Variants in EXT1 observed in about 807,000 individuals in gnomAD.
The protein encoded by EXT1 is exostosin glycosyltransferase 1, also known as exostosin-1.
EXT1 carries 20 observed loss-of-function variants against 82.5 expected under a neutral mutation model. That is an observed-to-expected ratio of 0.24 (90% CI 0.17 to 0.35). EXT1 has a LOEUF of 0.35. Among genes scored for constraint, EXT1 ranks in the 10% least tolerant of loss-of-function variants. The pLI is 1.00. For missense variants in EXT1, 757 were observed against 936.5 expected (o/e 0.81, Z 2.50); for synonymous variants, 348 against 350.8 (o/e 0.99, Z 0.09).
At chr8:117,944,029 A>G (rs966657912) in intron 1 of EXT1, among the ~76,000 whole-genome samples, 2 of 152,218 alleles carry the variant, frequency 1.3e-5, no homozygotes, top group Admixed American at 1.3e-4. Flanking sequence ...TCCGTATGAA[A>G]GACAGAAGGG....
intron 1 of EXT1, among the ~76,000 whole-genome samples, chr8:117,964,136 T>C (rs1814758186): frequency 6.6e-6 from 1 of 152,192 alleles, no homozygotes; most frequent in Non-Finnish European, 1.5e-5. Flanking sequence ...ACTTTACCTA[T>C]TTCCCCTCCA....
chr8:117,970,297 A>G (rs1031107733), intron 1 of EXT1, among the ~76,000 whole-genome samples: 1 of 151,384 alleles, frequency 6.6e-6, no homozygotes, highest in African/African-American at 2.4e-5. Flanking sequence ...AGGGCTCAGG[A>G]ATCTACATTT....
intron 1 of EXT1, among the ~76,000 whole-genome samples, chr8:118,072,505 T>A (rs1817113651): frequency 6.6e-6 from 1 of 152,232 alleles, no homozygotes; most frequent in Admixed American, 6.5e-5. Flanking sequence ...AGACCCTTTT[T>A]GCTTCTCTCG....
intron 1 of EXT1, among the ~76,000 whole-genome samples, chr8:117,882,343 A>T (rs1586261905): frequency 6.6e-6 from 1 of 152,136 alleles, no homozygotes; most frequent in African/African-American, 2.4e-5. Flanking sequence ...TTGGCCTCCC[A>T]AAGTGCTGGG....
chr8:117,882,002 TG>T (rs1813070062), intron 1 of EXT1, among the ~76,000 whole-genome samples: 1 of 152,202 alleles, frequency 6.6e-6, no homozygotes, highest in South Asian at 2.1e-4. Flanking sequence ...ATCAATCTAT[TG>T]GGAATTTTCT....
At chr8:117,818,055 C>G (rs1178418243) in intron 7 of EXT1, among the ~76,000 whole-genome samples, 1 of 152,184 alleles carries the variant, frequency 6.6e-6, no homozygotes, top group Non-Finnish European at 1.5e-5. Context: ...CAAACCATCA[C>G]CACCACCATC....
intron 1 of EXT1, among the ~76,000 whole-genome samples, chr8:117,936,769 G>T (rs1192430403): frequency 6.6e-6 from 1 of 152,166 alleles, no homozygotes; most frequent in Non-Finnish European, 1.5e-5. Flanking sequence ...CAGCTACTTG[G>T]GAGGCTGAGG....
At chr8:117,975,983 C>G (rs1250678662) in intron 1 of EXT1, among the ~76,000 whole-genome samples, 1 of 152,138 alleles carries the variant, frequency 6.6e-6, no homozygotes, top group Admixed American at 6.5e-5. Context: ...ATACACAAAA[C>G]AGTAACATGA....
At chr8:117,821,386 G>A (rs1244035299) in intron 5 of EXT1, among the ~76,000 whole-genome samples, 1 of 152,190 alleles carries the variant, frequency 6.6e-6, no homozygotes, top group Non-Finnish European at 1.5e-5. Flanking sequence ...AATAGTTTAA[G>A]AAGCATCATT....
intron 1 of EXT1, among the ~76,000 whole-genome samples, chr8:117,921,470 T>C (rs1432200923): frequency 2.0e-5 from 3 of 152,218 alleles, no homozygotes; most frequent in Admixed American, 6.5e-5. Context: ...ATCTCTAACC[T>C]AGATGCTTTC....
At chr8:117,898,594 A>G (rs1434741761) in intron 1 of EXT1, among the ~76,000 whole-genome samples, 2 of 152,202 alleles carry the variant, frequency 1.3e-5, no homozygotes, top group East Asian at 3.8e-4. Flanking sequence ...TTACTTTTCT[A>G]GGTTTGGTAA....
At chr8:117,920,597 ACTG>A (rs1018644060) in intron 1 of EXT1, among the ~76,000 whole-genome samples, 1 of 152,226 alleles carries the variant, frequency 6.6e-6, no homozygotes, top group Admixed American at 6.5e-5. Flanking sequence ...AGGAAGAGGG[ACTG>A]CTGCTTTCTT....
chr8:117,801,785 C>G (rs1045934236), intron 10 of EXT1, among the ~76,000 whole-genome samples: 9 of 152,178 alleles, frequency 5.9e-5, no homozygotes, highest in African/African-American at 1.7e-4. Context: ...GGATTATAGG[C>G]ATGAGCCACT....
intron 1 of EXT1, among the ~76,000 whole-genome samples, chr8:117,843,806 C>A (rs1812309741): frequency 6.6e-6 from 1 of 152,156 alleles, no homozygotes. Context: ...ACAGCTAGGA[C>A]CAACCAGCCT....
intron 1 of EXT1, among the ~76,000 whole-genome samples, chr8:118,022,266 T>A (rs4556109): frequency 0.097 from 14,458 of 149,124 alleles, 2,369 homozygotes; most frequent in African/African-American, 0.34. Flanking sequence ...AAGAAAAAAA[T>A]TAATGCAGGG....
chr8:118,057,835 C>T (rs1230743054), intron 1 of EXT1, among the ~76,000 whole-genome samples: 55 of 151,598 alleles, frequency 3.6e-4, no homozygotes, highest in Admixed American at 3.0e-3. Context: ...TAGCCAGGCA[C>T]GGTGGCAGGC....
At chr8:118,086,270 C>A (rs1473470067) in intron 1 of EXT1, among the ~76,000 whole-genome samples, 1 of 152,154 alleles carries the variant, frequency 6.6e-6, no homozygotes, top group African/African-American at 2.4e-5. Flanking sequence ...CTTGACATCA[C>A]CAGTATTTTT....
intron 1 of EXT1, among the ~76,000 whole-genome samples, chr8:117,883,337 CT>C (rs1266624391): frequency 6.6e-6 from 1 of 152,190 alleles, no homozygotes; most frequent in Non-Finnish European, 1.5e-5. Context: ...ACATCATCCC[CT>C]GGTCAACTTC....
chr8:117,822,636 C>T (rs1811944339), intron 4 of EXT1, 39 bp from the exon 5 acceptor site: 2 of 1,607,460 alleles, frequency 1.2e-6, no homozygotes, highest in Middle Eastern at 1.7e-4. Flanking sequence ...GGATGAGATC[C>T]TGATGATATT....
Sources: gnomAD v4.1 joint callset for allele counts (sites outside exome capture counted in the v4.1 genomes callset) on GRCh38, gnomAD v4.1.1 for gene constraint, MANE v1.5 for transcripts, NCBI Gene and HGNC (gene_info 2026-07-23, HGNC 2026-07-21) for gene names.